Variants in C1orf21 observed in about 807,000 individuals in gnomAD.
C1orf21 encodes uncharacterized protein C1orf21.
In C1orf21, 3 loss-of-function variants were observed where a neutral mutation model predicts 18.7. That is an observed-to-expected ratio of 0.16 (90% CI 0.07 to 0.42). The LOEUF (loss-of-function observed/expected upper bound fraction) is 0.42. C1orf21 is among the 10% of genes least tolerant of loss of function. The pLI, the probability that C1orf21 is intolerant of heterozygous loss-of-function variation, is 0.99. For synonymous variants in C1orf21, 41 were observed against 46.4 expected (o/e 0.88, Z 0.47); for missense variants, 104 against 143.6 (o/e 0.72, Z 1.41).
intron 2 of C1orf21, among the ~76,000 whole-genome samples, chr1:184,504,954 C>T (rs1658031853): frequency 6.6e-6 from 1 of 152,124 alleles, no homozygotes; most frequent in Non-Finnish European, 1.5e-5. Context: ...AATAATGCTG[C>T]TTTGAAAGTC....
chr1:184,415,546 C>T (rs566608256), intron 1 of C1orf21, among the ~76,000 whole-genome samples: 1 of 152,200 alleles, frequency 6.6e-6, no homozygotes, highest in African/African-American at 2.4e-5. Flanking sequence ...GCTTTCCAAA[C>T]TGTGGGAGGT....
intron 3 of C1orf21, among the ~76,000 whole-genome samples, chr1:184,544,736 C>G (rs1411286500): frequency 6.6e-6 from 1 of 151,454 alleles, no homozygotes; most frequent in Non-Finnish European, 1.5e-5. Flanking sequence ...ATTGGGAGCA[C>G]TTTAGCTGGG....
At chr1:184,399,356 A>ATT (rs59376994) in intron 1 of C1orf21, among the ~76,000 whole-genome samples, 6 of 79,066 alleles carry the variant, frequency 7.6e-5, no homozygotes, top group Admixed American at 1.5e-4. Context: ...ATGTACTTCT[A>ATT]TTTTTTTTTT....
intron 2 of C1orf21, among the ~76,000 whole-genome samples, chr1:184,490,157 A>G (rs1657796188): frequency 6.6e-6 from 1 of 152,218 alleles, no homozygotes; most frequent in Admixed American, 6.5e-5. Context: ...GTTTCATTTA[A>G]AACCTAGCAT....
At chr1:184,481,631 C>T (rs887935381) in intron 2 of C1orf21, among the ~76,000 whole-genome samples, 3 of 152,112 alleles carry the variant, frequency 2.0e-5, no homozygotes, top group East Asian at 1.9e-4. Context: ...TGCCATAAAG[C>T]GTCGTTTAAG....
At chr1:184,572,825 A>T (rs535080439) in intron 3 of C1orf21, among the ~76,000 whole-genome samples, 1 of 151,854 alleles carries the variant, frequency 6.6e-6, no homozygotes, top group Non-Finnish European at 1.5e-5. Context: ...GGTGGCATGC[A>T]CCTGTAATCT....
intron 5 of C1orf21, among the ~76,000 whole-genome samples, chr1:184,610,721 G>A (rs1205492736): frequency 3.3e-5 from 5 of 151,864 alleles, no homozygotes; most frequent in Admixed American, 6.6e-5. Context: ...GGTGGCAGGC[G>A]CCTGTAGTCC....
rs546630727 is a variant in C1orf21, at chr1:184,466,902, GAAAT to G, written c.-124-10474_-124-10471del. ...AGCAGGTTTCCCAAAAATGATTGTT[GAAAT>G]AAATAAATAGCACAATTTTGGGGGG... is the stretch of plus-strand genomic sequence containing the variant. On this transcript the variant is annotated intron_variant, in intron 1 of 5. Transcript: ENST00000235307. 5.0e-4 allele frequency among the ~76,000 whole-genome samples: 76 copies of G among 152,164 alleles called. 1 individual carries two copies. Among genetic ancestry groups the G allele is most frequent in the African/African-American group, 1.8e-3 (75 of 41,528 alleles).
At chr1:184,598,546 T>C (rs919677943) in intron 5 of C1orf21, 85 bp downstream of exon 5, 1 of 1,287,580 alleles carries the variant, frequency 7.8e-7, no homozygotes, top group African/African-American at 1.5e-5. Context: ...TTCTTGTTTC[T>C]ATGTCATAAA....
Position 184,413,484 on chromosome 1 carries a change from T to G in C1orf21, c.-125+26116T>G, listed in dbSNP as rs556884832. Among the ~76,000 whole-genome samples, 6 of 152,304 alleles carry G rather than the reference T, an allele frequency of 3.9e-5. No individual in the cohort carries two copies. The South Asian group carries it at 1.2e-3, about 32-fold the overall frequency. On this transcript the variant is annotated intron_variant, in intron 1 of 5. Transcript: ENST00000235307. ...TAGAGTTGAATTTTTTTAGGTTCAT[T>G]AATGTGTTTGAAATCTGTAAAATAT...
chr1:184,418,927 G>A (rs1656501949), intron 1 of C1orf21, among the ~76,000 whole-genome samples: 1 of 152,150 alleles, frequency 6.6e-6, no homozygotes, highest in Admixed American at 6.5e-5. Context: ...CATATGTTTT[G>A]TTATAAAAGT....
chr1:184,511,455 A>C (rs2101965461), intron 3 of C1orf21, among the ~76,000 whole-genome samples: 1 of 152,344 alleles, frequency 6.6e-6, no homozygotes, highest in South Asian at 2.1e-4. Context: ...AGGAACTTGT[A>C]GAACATTCAT....
At chr1:184,510,762 A>G (rs1301141206) in intron 3 of C1orf21, among the ~76,000 whole-genome samples, 1 of 152,064 alleles carries the variant, frequency 6.6e-6, no homozygotes, top group Non-Finnish European at 1.5e-5. Flanking sequence ...AGTGGATTAA[A>G]TGGAGGCTTT....
At chr1:184,454,115 G>A (rs1031444906) in intron 1 of C1orf21, among the ~76,000 whole-genome samples, 1 of 152,152 alleles carries the variant, frequency 6.6e-6, no homozygotes, top group African/African-American at 2.4e-5. Flanking sequence ...TTTTGGAGAA[G>A]CAACTTTGTA....
At chr1:184,448,447 T>G (rs1571362612) in intron 1 of C1orf21, among the ~76,000 whole-genome samples, 1 of 152,260 alleles carries the variant, frequency 6.6e-6, no homozygotes, top group East Asian at 1.9e-4. Flanking sequence ...GCTGGAATCC[T>G]TGGGTGCTAC....
rs35608530 is a variant in C1orf21, at chr1:184,470,878, C to CA, written c.-124-6495dup. Among the ~76,000 whole-genome samples the CA allele has an allele frequency of 4.2e-3, 574 of 137,224 alleles. 1 individual carries two copies. Among genetic ancestry groups the CA allele is most frequent in the African/African-American group, 9.0e-3 (333 of 36,836 alleles). 90.0% of individuals were successfully genotyped at this position (137,224 alleles called of 152,430 possible). On this transcript the variant is annotated intron_variant, in intron 1 of 5. Transcript: ENST00000235307. Reference sequence around the variant, plus strand: ...TGGGCAACAGAGTAAGACTCTTTCTCAAAAAAAAAAAAAGAACAAGAAAGA... The same window carrying CA: ...TGGGCAACAGAGTAAGACTCTTTCTCAAAAAAAAAAAAAAGAACAAGAAAGA...
At chr1:184,456,859 T>C (rs1190428018) in intron 1 of C1orf21, among the ~76,000 whole-genome samples, 1 of 152,212 alleles carries the variant, frequency 6.6e-6, no homozygotes, top group Non-Finnish European at 1.5e-5. Flanking sequence ...AGACAAAACC[T>C]TTCATATATG....
intron 1 of C1orf21, among the ~76,000 whole-genome samples, chr1:184,456,504 GA>G (rs1360476805): frequency 1.3e-5 from 2 of 152,144 alleles, no homozygotes; most frequent in Non-Finnish European, 2.9e-5. Context: ...GAAATTCGAT[GA>G]CCTTCAGAAA....
intron 1 of C1orf21, among the ~76,000 whole-genome samples, chr1:184,413,238 A>G (rs1656385137): frequency 6.6e-6 from 1 of 152,226 alleles, no homozygotes; most frequent in African/African-American, 2.4e-5. Context: ...CTGAGATGTT[A>G]TATGTATATA....
Sources: allele counts gnomAD v4.1 joint callset (sites outside exome capture counted in the v4.1 genomes callset), GRCh38; gene constraint gnomAD v4.1.1; transcripts MANE v1.5; gene names NCBI Gene and HGNC (gene_info 2026-07-23, HGNC 2026-07-21).